The following WDR90 variants were observed in gnomAD, a reference collection of about 807,000 sequenced individuals.
WDR90 encodes WD repeat domain 90.
Under a neutral mutation model 195.2 loss-of-function variants are expected in WDR90, and 238 were observed. That is an observed-to-expected ratio of 1.22 (90% confidence interval 1.10 to 1.36). WDR90 has a LOEUF of 1.36. Ranked by LOEUF, WDR90 falls within the 40% of genes most tolerant of loss-of-function variation. The pLI, the probability that WDR90 is intolerant of heterozygous loss-of-function variation, is 0.00. For synonymous variants in WDR90, 1,265 were observed against 1,052.4 expected, an observed-to-expected ratio of 1.20 and a Z score of -3.91; for missense variants, 2,734 against 2,439.5, an observed-to-expected ratio of 1.12 and a Z score of -2.54.
At chr16:658,102 A>T in intron 21 of WDR90, 81 bp from the exon 22 acceptor site, 1 of 1,533,782 alleles carries the variant, frequency 6.5e-7, no homozygotes, top group Non-Finnish European at 8.8e-7. Flanking sequence ...TGTCCCCGGG[A>T]CCTCCCTCCC....
Position 660,038 on chromosome 16 carries a change from C to G in WDR90, c.3185-20C>G. The G allele has an allele frequency of 6.5e-7, 1 of 1,527,962 alleles. No individual in the cohort carries two copies. The highest frequency in any genetic ancestry group is 8.8e-7 in the Non-Finnish European group (1 of 1,137,900). The allele number at this position is 1,527,962 out of a possible 1,614,324, so 94.7% of individuals were successfully genotyped here. A position where few individuals can be genotyped will look rare whatever the true frequency, so the allele number is the denominator to read the frequency against. ...GCTCAGGGCAGTGTAATGCCACAAG[C>G]TCTGCCTCCTCCCTGCCAGGCGCCA... On this transcript the variant is annotated intron_variant, in intron 26 of 40. Transcript: ENST00000293879.
At chr16:664,183 GT>G (rs1567222831) in intron 34 of WDR90, among the ~76,000 whole-genome samples, 1 of 151,554 alleles carries the variant, frequency 6.6e-6, no homozygotes, top group Non-Finnish European at 1.5e-5. Flanking sequence ...TGGAAACCCC[GT>G]GCGTGCCTAG....
Position 657,124 on chromosome 16 carries a change from C to G in WDR90, c.2376C>G (p.Ala792=). Residue 792 remains alanine (A), a synonymous_variant, in exon 20 of 41, where the codon GCC becomes GCG. Transcript: ENST00000293879. ...CHRGAVTGLT[A]TPDGRLLFSS... ...GAGGAGCTGTCACCGGCCTGACCGCCACCCCTGACGGCCGCCTGCTCTTCA... is the reference window on the plus strand; with the variant it reads ...GAGGAGCTGTCACCGGCCTGACCGCGACCCCTGACGGCCGCCTGCTCTTCA... The G allele has an allele frequency of 6.3e-7, 1 of 1,587,216 alleles. No individual in the cohort carries two copies. The highest frequency in any genetic ancestry group is 1.3e-5 in the African/African-American group (1 of 74,274).
At chr16:664,665 C>A (rs1596470377) in intron 34 of WDR90, among the ~76,000 whole-genome samples, 1 of 151,874 alleles carries the variant, frequency 6.6e-6, no homozygotes, top group Non-Finnish European at 1.5e-5. Flanking sequence ...TGCAGTCCCT[C>A]ATTGCTCAGC....
In WDR90 at chr16:659,330, T is replaced by G. The variant is rs1232736106; in HGVS notation, c.3138T>G (p.Ser1046=). ...AGGTCCCCAAGCCATGTCAGGCATC[T>G]CCACCACGGCTGGGCGTCTGTGCCA... ...RQQVPKPCQA[S]PPRLGVCARP... The change falls in exon 26 of 41, where the codon TCT becomes TCG. Residue 1046 remains serine, a synonymous_variant. Transcript: ENST00000293879. 4 of 1,597,246 alleles carry G rather than the reference T, an allele frequency of 2.5e-6. No homozygotes were observed. Among genetic ancestry groups the G allele is most frequent in the Non-Finnish European group, 3.4e-6 (4 of 1,172,894 alleles).
chr16:662,095 C>G (rs376477962), intron 32 of WDR90, 36 bp downstream of exon 32: 2 of 1,584,722 alleles, frequency 1.3e-6, no homozygotes, highest in South Asian at 2.2e-5. Context: ...GCCCTCAGGA[C>G]CCCTACCTGG....
Position 656,323 on chromosome 16 carries a change from C to T in WDR90, c.1988C>T (p.Ser663Leu). 1.2e-6 allele frequency: 2 copies of T among 1,609,188 alleles called. No homozygotes were observed. Among genetic ancestry groups the T allele is most frequent in the Non-Finnish European group, 1.7e-6 (2 of 1,179,526 alleles). ...LEAEHEGPVS[S>L]VCVSPDGLRV... is the part of the protein sequence containing the mutation. The stretch of plus-strand genomic sequence containing the variant: ...ACAGAGCACGAGGGCCCCGTCAGCT[C>T]AGTCTGTGTCAGCCCCGATGGCCTC... Residue 663 changes from serine (S) to leucine (L), a missense_variant, in exon 18 of 41, where the codon TCA becomes TTA. By Grantham distance (145) the Ser-to-Leu change is moderately radical (BLOSUM62 -2). Coordinates refer to ENST00000293879, the MANE Select transcript of WDR90 (RefSeq NM_145294.5).
Position 650,588 on chromosome 16 carries a change from C to T in WDR90, c.438C>T (p.Leu146=), listed in dbSNP as rs1463564017. 6.2e-7 allele frequency: 1 copy of T among 1,612,528 alleles called. No homozygotes were observed. Among genetic ancestry groups the T allele is most frequent in the Non-Finnish European group, 8.5e-7 (1 of 1,179,738 alleles). The change falls in exon 5 of 41, where the codon CTC becomes CTT. Residue 146 remains leucine (L), a synonymous_variant. Coordinates refer to ENST00000293879, the MANE Select transcript of WDR90 (RefSeq NM_145294.5). The part of the protein sequence containing the change: ...PSGARWTCLQ[L]DLQDVLLVYL... The stretch of plus-strand genomic sequence containing the variant: ...GAGCCCGCTGGACCTGCCTGCAGCT[C>T]GATCTGCAGGACGTTCTCCTGGTCT...
At chr16:663,061 G>GCAGGTCTTCTCAAACTGT (rs1490031602) in intron 34 of WDR90, 19 of 725,792 alleles carry the variant, frequency 2.6e-5, no homozygotes, top group Admixed American at 2.0e-5. Flanking sequence ...GGCAGGCCTT[G>GCAGGTCTTCTCAAACTGT]CAGGTCTTCT....
chr16:658,777 A>G (rs1245918819), intron 23 of WDR90, 119 bp from the exon 24 acceptor site: 25 of 1,551,712 alleles, frequency 1.6e-5, no homozygotes, highest in Non-Finnish European at 2.1e-5. Context: ...TGACCCCCCA[A>G]GGATCCTCTG....
chr16:667,557 G>T lies in WDR90; in HGVS notation c.5215G>T (p.Glu1739Ter). ...ARLLFTAARNEILVWEVPGL is the reference protein window; with the variant it reads ...ARLLFTAARN ...GCTGCTCTTCACGGCCGCCCGCAAC[G>T]AGATCCTTGTGTGGGAGGTCCCCGG... is the stretch of plus-strand genomic sequence containing the variant. Residue 1739 changes from glutamate (E) to a stop codon, truncating the protein, a stop_gained, in exon 41 of 41, where the codon GAG becomes TAG. Coordinates refer to ENST00000293879, the MANE Select transcript of WDR90 (RefSeq NM_145294.5). LOFTEE classifies it high-confidence loss of function. 6.2e-7 allele frequency: 1 copy of T among 1,610,812 alleles called. No individual in the cohort carries two copies. The highest frequency in any genetic ancestry group is 8.5e-7 in the Non-Finnish European group (1 of 1,179,978).
Position 650,719 on chromosome 16 carries a change from G to T in WDR90, c.559+10G>T, listed in dbSNP as rs369524175. Reference sequence around the variant, plus strand: ...CTGTGCTTTGAGCCTGGTGAGGGCCGCACCTGCACTCCCCACTCCATATCT... The same window carrying T: ...CTGTGCTTTGAGCCTGGTGAGGGCCTCACCTGCACTCCCCACTCCATATCT... On this transcript the variant is annotated intron_variant, in intron 5 of 40. Coordinates refer to ENST00000293879, the MANE Select transcript of WDR90 (RefSeq NM_145294.5). 11 of 1,601,022 alleles carry T rather than the reference G, an allele frequency of 6.9e-6. No homozygotes were observed. The highest frequency in any genetic ancestry group is 6.7e-5 in the East Asian group (3 of 44,474).
chr16:652,649 C>G, intron 10 of WDR90, 114 bp downstream of exon 10: 5 of 1,147,198 alleles, frequency 4.4e-6, no homozygotes, highest in African/African-American at 1.6e-5. Flanking sequence ...TGTGGGCTCC[C>G]GAGCCCCCCT....
chr16:657,963 G>C, intron 21 of WDR90, 71 bp downstream of exon 21: 1 of 1,482,462 alleles, frequency 6.7e-7, no homozygotes, highest in African/African-American at 1.4e-5. Flanking sequence ...CAGGAGGGAG[G>C]TCACGGCCAC....
rs372991517 is a variant in WDR90 at position 659,073 on chromosome 16, C to G, written c.3012-13C>G. ...CCCAGGCCCTCCTGAAACCCTCTCT[C>G]CTCCCTCTCCAGCGACCAAAGCTTC... On this transcript the variant is annotated splice_polypyrimidine_tract_variant and intron_variant, in intron 24 of 40. Coordinates refer to ENST00000293879, the MANE Select transcript of WDR90 (RefSeq NM_145294.5). 9.9e-6 allele frequency: 16 copies of G among 1,613,054 alleles called. No individual in the cohort carries two copies. The highest frequency in any genetic ancestry group is 1.4e-5 in the Non-Finnish European group (16 of 1,179,972).
chr16:651,194 C>T lies in WDR90; in HGVS notation c.669-5C>T, dbSNP rs754559186. 7.4e-6 allele frequency: 12 copies of T among 1,613,210 alleles called. No individual in the cohort carries two copies. In the South Asian group the frequency reaches 1.2e-4, roughly 16 times the overall value. On this transcript the variant is annotated splice_region_variant and splice_polypyrimidine_tract_variant and intron_variant, in intron 6 of 40. Coordinates refer to ENST00000293879, the MANE Select transcript of WDR90 (RefSeq NM_145294.5). The stretch of plus-strand genomic sequence containing the variant: ...CAGACACTGACTCTCCCTCTGCCTG[C>T]CAAGGTTTCCAAGTGAGAGCTTGAA...
intron 13 of WDR90, 117 bp from the exon 14 acceptor site, chr16:654,912 G>A (rs2037716456): frequency 1.1e-6 from 1 of 920,804 alleles, no homozygotes; most frequent in East Asian, 2.4e-5. Flanking sequence ...CGCACGCTCA[G>A]AGGCTGGTCT....
intron 7 of WDR90, 87 bp from the exon 8 acceptor site, chr16:651,557 C>G: frequency 1.5e-6 from 2 of 1,358,238 alleles, no homozygotes; most frequent in Non-Finnish European, 2.0e-6. Flanking sequence ...GGCTGGGCCA[C>G]TTGCTGCTGC....
chr16:666,600 T>C lies in WDR90; in HGVS notation c.4884+2T>C. 1 of 1,612,168 alleles carries C rather than the reference T, an allele frequency of 6.2e-7. No homozygotes were observed. Among genetic ancestry groups the C allele is most frequent in the Non-Finnish European group, 8.5e-7 (1 of 1,179,660 alleles). On this transcript the variant is annotated splice_donor_variant, in intron 38 of 40. Coordinates refer to ENST00000293879, the MANE Select transcript of WDR90 (RefSeq NM_145294.5). LOFTEE classifies it high-confidence loss of function. ...TTCCCAATGCCTGCCACCACGGAGG[T>C]AAACCATGCTCCTGGCACTGTGGGT...
Sources: gnomAD v4.1 joint callset for allele counts (sites outside exome capture counted in the v4.1 genomes callset) on GRCh38, gnomAD v4.1.1 for gene constraint, MANE v1.5 for transcripts, NCBI Gene and HGNC (gene_info 2026-07-23, HGNC 2026-07-21) for gene names.